Variants in DIAPH3 observed in about 807,000 individuals in gnomAD.
DIAPH3 encodes diaphanous related formin 3.
A neutral mutation model predicts 144.3 loss-of-function variants in DIAPH3; 117 were observed. The ratio of observed to expected loss-of-function variants is 0.81; its 90% CI spans 0.70 to 0.95. DIAPH3 has a LOEUF of 0.95. Ranked by LOEUF, DIAPH3 falls within the 40% of genes least tolerant of loss-of-function variation. The pLI is 0.00. For missense variants in DIAPH3, 1,421 were observed against 1,412.7 expected, an observed-to-expected ratio of 1.01 and a Z score of -0.09; for synonymous variants, 519 against 488.9, an observed-to-expected ratio of 1.06 and a Z score of -0.81.
chr13:60,070,681 GC>G (rs2057173490), intron 4 of DIAPH3, among the ~76,000 whole-genome samples: 6 of 152,024 alleles, frequency 3.9e-5, no homozygotes, highest in Admixed American at 3.9e-4. Flanking sequence ...CTCAAGTTAG[GC>G]TTCTGTCACT....
At chr13:59,925,382 C>A (rs537254471) in intron 17 of DIAPH3, among the ~76,000 whole-genome samples, 1 of 152,294 alleles carries the variant, frequency 6.6e-6, no homozygotes, top group South Asian at 2.1e-4. Context: ...GTTGAATCAT[C>A]TATGCATCCT....
At chr13:60,145,156 T>C (rs73203970) in intron 1 of DIAPH3, among the ~76,000 whole-genome samples, 2 of 152,340 alleles carry the variant, frequency 1.3e-5, no homozygotes, top group Non-Finnish European at 2.9e-5. Context: ...GGTGAGTACC[T>C]AGGCTGGGAA....
At chr13:60,055,752 T>A (rs1328170309) in intron 4 of DIAPH3, among the ~76,000 whole-genome samples, 1 of 151,844 alleles carries the variant, frequency 6.6e-6, no homozygotes, top group Non-Finnish European at 1.5e-5. Context: ...AATACACATA[T>A]CTCTTCATTT....
intron 24 of DIAPH3, among the ~76,000 whole-genome samples, chr13:59,816,134 A>T (rs975446667): frequency 6.6e-6 from 1 of 152,142 alleles, no homozygotes; most frequent in African/African-American, 2.4e-5. Flanking sequence ...ATATTAAGCC[A>T]TACTTTCACT....
At chr13:59,798,531 T>C (rs2039730102) in intron 25 of DIAPH3, among the ~76,000 whole-genome samples, 1 of 152,240 alleles carries the variant, frequency 6.6e-6, no homozygotes, top group Admixed American at 6.5e-5. Flanking sequence ...ACTCTGGCCC[T>C]TCATTTCACT....
At chr13:59,774,655 A>G in intron 26 of DIAPH3, 73 bp downstream of exon 26, 1 of 1,437,636 alleles carries the variant, frequency 7.0e-7, no homozygotes, top group East Asian at 2.3e-5. Context: ...CAACTTCAAA[A>G]GAATGAGAAA....
chr13:59,967,774 T>A (rs2050141922), intron 17 of DIAPH3, among the ~76,000 whole-genome samples: 1 of 152,164 alleles, frequency 6.6e-6, no homozygotes, highest in African/African-American at 2.4e-5. Flanking sequence ...TTCTTTAAAA[T>A]GAAGTCCCAA....
At chr13:59,932,058 G>C (rs1013561332) in intron 17 of DIAPH3, among the ~76,000 whole-genome samples, 5 of 152,112 alleles carry the variant, frequency 3.3e-5, no homozygotes, top group African/African-American at 1.2e-4. Flanking sequence ...AAAATTTTCA[G>C]ATGAAGGCTA....
At chr13:59,782,477 T>A (rs1338649429) in intron 25 of DIAPH3, among the ~76,000 whole-genome samples, 1 of 150,964 alleles carries the variant, frequency 6.6e-6, no homozygotes, top group East Asian at 1.9e-4. Flanking sequence ...TTGAGAGGAG[T>A]GAGGGAGAAG....
intron 24 of DIAPH3, among the ~76,000 whole-genome samples, chr13:59,815,936 G>C (rs1208944900): frequency 6.6e-6 from 1 of 152,040 alleles, no homozygotes; most frequent in East Asian, 1.9e-4. Flanking sequence ...CTAGGAGTTA[G>C]ATTCTAAGTA....
intron 25 of DIAPH3, among the ~76,000 whole-genome samples, chr13:59,787,079 T>A (rs564567527): frequency 6.6e-6 from 1 of 152,218 alleles, no homozygotes; most frequent in African/African-American, 2.4e-5. Flanking sequence ...GCAGCCTGGG[T>A]GACAAAGTGA....
At chr13:59,949,918 C>T (rs933905299) in intron 17 of DIAPH3, among the ~76,000 whole-genome samples, 4 of 152,118 alleles carry the variant, frequency 2.6e-5, no homozygotes, top group African/African-American at 7.2e-5. Context: ...GATCACACTT[C>T]CTCAAAGAGC....
At chr13:59,966,397 G>A (rs138907812) in intron 17 of DIAPH3, among the ~76,000 whole-genome samples, 214 of 152,204 alleles carry the variant, frequency 1.4e-3, no homozygotes, top group African/African-American at 5.0e-3. Flanking sequence ...AGCCAGAATT[G>A]TTTTGCCATC....
intron 4 of DIAPH3, among the ~76,000 whole-genome samples, chr13:60,068,647 C>T (rs2057070954): frequency 6.6e-6 from 1 of 152,162 alleles, no homozygotes; most frequent in African/African-American, 2.4e-5. Flanking sequence ...CACCCTCCTC[C>T]CACCCTCCAC....
At chr13:59,929,159 C>T (rs186215476) in intron 17 of DIAPH3, among the ~76,000 whole-genome samples, 56 of 152,178 alleles carry the variant, frequency 3.7e-4, no homozygotes, top group African/African-American at 1.3e-3. Context: ...AGGTGCTCAA[C>T]CCGTAAGTAT....
rs2031987768 is a variant in DIAPH3, at chr13:59,665,982, T to C, written c.*602A>G. ...TTTCGTTATGTGCTCAATTGCCTTA[T>C]GGTCCCCTAGAGGGTCTACTTAACA... On this transcript the variant is annotated 3_prime_UTR_variant, in exon 28 of 28. Transcript: ENST00000400324. 1 of 152,276 alleles carries C rather than the reference T, an allele frequency of 6.6e-6. No individual in the cohort carries two copies. Among genetic ancestry groups the C allele is most frequent in the African/African-American group, 2.4e-5 (1 of 41,444 alleles). The allele number at this position is 152,276 out of a possible 1,614,324, so 9.4% of individuals were successfully genotyped here. A position where few individuals can be genotyped will look rare whatever the true frequency, so the allele number is the denominator to read the frequency against.
At position 60,112,090 on chromosome 13, in the gene DIAPH3, C is replaced by T; in HGVS notation, c.310G>A (p.Ala104Thr). Residue 104 changes from alanine to threonine, a missense_variant, in exon 3 of 28, where the codon GCA becomes ACA. Physicochemically the swap from Ala to Thr is moderately conservative, Grantham distance 58. Transcript: ENST00000400324. ...KTAFASSDCS[A>T]APLEMMENFP... is the part of the protein sequence containing the mutation. ...TTCTCCATCATCTCTAAAGGTGCTG[C>T]TGAGCAATCACTGCTTGCAAATGCA... is the stretch of plus-strand genomic sequence containing the variant. The T allele has an allele frequency of 6.2e-7, 1 of 1,614,098 alleles. No individual in the cohort carries two copies. The highest frequency in any genetic ancestry group is 1.1e-5 in the South Asian group (1 of 91,088).
chr13:60,104,374 T>C (rs2058351200), intron 3 of DIAPH3, among the ~76,000 whole-genome samples: 1 of 152,118 alleles, frequency 6.6e-6, no homozygotes, highest in Non-Finnish European at 1.5e-5. Context: ...TCAATTCCCA[T>C]TAAAATTAAA....
At chr13:59,692,359 C>T (rs1160176807) in intron 27 of DIAPH3, among the ~76,000 whole-genome samples, 1 of 151,656 alleles carries the variant, frequency 6.6e-6, no homozygotes, top group African/African-American at 2.4e-5. Flanking sequence ...TAGTTGTATC[C>T]CTTTTTTCAG....
Sources: gnomAD v4.1 joint callset for allele counts (sites outside exome capture counted in the v4.1 genomes callset) on GRCh38, gnomAD v4.1.1 for gene constraint, MANE v1.5 for transcripts, NCBI Gene and HGNC (gene_info 2026-07-23, HGNC 2026-07-21) for gene names.